Variants in EGFLAM observed in about 807,000 individuals in gnomAD.
EGFLAM encodes the protein EGF like, fibronectin type III and laminin G domains.
Under a neutral mutation model 113.1 loss-of-function variants are expected in EGFLAM, and 79 were observed. The observed-to-expected ratio is 0.70, with a 90% CI of 0.58 to 0.84. The LOEUF is 0.84. Ranked by LOEUF, EGFLAM falls within the 40% of genes least tolerant of loss-of-function variation. The pLI is 0.00. For synonymous variants in EGFLAM, 504 were observed against 487.6 expected (o/e 1.03, Z -0.44); for missense variants, 1,265 against 1,291.6 (o/e 0.98, Z 0.32).
chr5:38,374,506 C>T (rs533500473), intron 6 of EGFLAM, among the ~76,000 whole-genome samples: 22 of 151,970 alleles, frequency 1.4e-4, no homozygotes, highest in South Asian at 1.0e-3. Flanking sequence ...GCCAGATTAC[C>T]GGTCTGGGTG....
intron 5 of EGFLAM, 102 bp downstream of exon 5, chr5:38,352,433 G>C (rs534588100): frequency 6.7e-7 from 1 of 1,488,724 alleles, no homozygotes; most frequent in African/African-American, 1.4e-5. Context: ...CAGATCACAA[G>C]GTCAGGAGTT....
chr5:38,428,253 A>G (rs905012049), intron 14 of EGFLAM, among the ~76,000 whole-genome samples: 2 of 152,200 alleles, frequency 1.3e-5, no homozygotes, highest in Non-Finnish European at 2.9e-5. Flanking sequence ...TATGTAGGTG[A>G]GATGCTACAA....
intron 6 of EGFLAM, among the ~76,000 whole-genome samples, chr5:38,395,423 T>G (rs879025026): frequency 3.3e-5 from 5 of 151,870 alleles, no homozygotes; most frequent in Admixed American, 3.3e-4. Context: ...AATTAAAAAT[T>G]TTTTTTTCTG....
At chr5:38,320,351 C>G (rs1738707798) in intron 1 of EGFLAM, among the ~76,000 whole-genome samples, 1 of 152,196 alleles carries the variant, frequency 6.6e-6, no homozygotes, top group Non-Finnish European at 1.5e-5. Context: ...TGGGGTCCAG[C>G]AGGCAGTTAG....
intron 6 of EGFLAM, among the ~76,000 whole-genome samples, chr5:38,379,699 T>C (rs1223622495): frequency 6.6e-6 from 1 of 152,020 alleles, no homozygotes; most frequent in Non-Finnish European, 1.5e-5. Flanking sequence ...ACTCCTTCAG[T>C]TGGCTGCTTA....
Position 38,429,065 on chromosome 5 carries a change from A to C in EGFLAM, c.2054+1813A>C, listed in dbSNP as rs79919195. On this transcript the variant is annotated intron_variant, in intron 14 of 21. Transcript: ENST00000322350. ...TGCTCAATTAAGACAATGCAGTGAA[A>C]ACTCAAACTACAGGAAGTTGTGGAA... Among the ~76,000 whole-genome samples the C allele has an allele frequency of 9.4e-3, 1,428 of 152,322 alleles. 21 individuals carry two copies. Among genetic ancestry groups the C allele is most frequent in the African/African-American group, 0.032 (1,324 of 41,562 alleles).
intron 17 of EGFLAM, chr5:38,445,503 G>T (rs1742676882): frequency 6.7e-7 from 1 of 1,496,582 alleles, no homozygotes; most frequent in Non-Finnish European, 8.9e-7. Flanking sequence ...GATTTCCAGT[G>T]GTTCCCCGCG....
rs143692503 is a variant in EGFLAM, at chr5:38,411,992, G to T, written c.1350-512G>T. 1.4e-3 allele frequency among the ~76,000 whole-genome samples: 212 copies of T among 152,040 alleles called. 1 individual carries two copies. In the East Asian group the frequency reaches 0.036, roughly 26 times the overall value. Reference sequence around the variant, plus strand: ...TCTTTGTGTTTTTAGTAGAAACGGGGTTTCACCATGTTGGTCAGGCTGGTC... The same window carrying T: ...TCTTTGTGTTTTTAGTAGAAACGGGTTTTCACCATGTTGGTCAGGCTGGTC... On this transcript the variant is annotated intron_variant, in intron 10 of 21. Coordinates refer to ENST00000322350, the MANE Select transcript of EGFLAM (RefSeq NM_152403.4).
chr5:38,276,711 A>G (rs181433573), intron 1 of EGFLAM, among the ~76,000 whole-genome samples: 1 of 152,256 alleles, frequency 6.6e-6, no homozygotes, highest in African/African-American at 2.4e-5. Context: ...GAGTAAATAA[A>G]TAAAAATCAG....
chr5:38,294,622 C>G (rs571758401), intron 1 of EGFLAM, among the ~76,000 whole-genome samples: 1 of 152,050 alleles, frequency 6.6e-6, no homozygotes, highest in South Asian at 2.1e-4. Flanking sequence ...ATGATGGTCA[C>G]AGGGTGATGC....
chr5:38,457,499 T>C (rs1743128412), intron 19 of EGFLAM, among the ~76,000 whole-genome samples: 1 of 152,212 alleles, frequency 6.6e-6, no homozygotes, highest in African/African-American at 2.4e-5. Flanking sequence ...CAGTTTCCCA[T>C]GGCTTTCCCT....
At chr5:38,425,593 G>A (rs918338759) in intron 13 of EGFLAM, among the ~76,000 whole-genome samples, 1 of 152,180 alleles carries the variant, frequency 6.6e-6, no homozygotes, top group Non-Finnish European at 1.5e-5. Context: ...GCCAAAATTT[G>A]TTTGGTAATG....
intron 16 of EGFLAM, among the ~76,000 whole-genome samples, chr5:38,437,755 G>A (rs531031176): frequency 1.3e-5 from 2 of 152,208 alleles, no homozygotes; most frequent in South Asian, 4.2e-4. Flanking sequence ...CCAGAGGAGC[G>A]CGTCACTCCG....
intron 9 of EGFLAM, 95 bp downstream of exon 9, chr5:38,408,000 A>C (rs1382370803): frequency 7.5e-6 from 7 of 932,810 alleles, no homozygotes; most frequent in Non-Finnish European, 1.2e-5. Context: ...GCGGGGCAGC[A>C]GGGAGAGCGA....
At position 38,445,309 on chromosome 5, in the gene EGFLAM, CTT is replaced by C. The variant is rs536670328; in HGVS notation, c.2465-2991_2465-2990del. Among the ~76,000 whole-genome samples the C allele has an allele frequency of 1.1e-4, 16 of 152,276 alleles. 1 individual carries two copies. The East Asian group carries it at 2.3e-3, about 22-fold the overall frequency. The stretch of plus-strand genomic sequence containing the variant: ...ATAATCATTGACAAGGTAAGTAACT[CTT>C]GAGCAAGGAGCTGTTTCTCTAGATT... On this transcript the variant is annotated intron_variant, in intron 17 of 21. Coordinates refer to ENST00000322350, the MANE Select transcript of EGFLAM (RefSeq NM_152403.4).
Position 38,406,877 on chromosome 5 carries a change from A to G in EGFLAM, c.878A>G (p.Glu293Gly), listed in dbSNP as rs965888351. ...TKGGNKKFLV[E>G]SKKMSISNPK... ...GGAGGGAATAAGAAATTTTTGGTGGAAAGCAAGAAGATGTCTATATCTAAC... is the reference window on the plus strand; with the variant it reads ...GGAGGGAATAAGAAATTTTTGGTGGGAAGCAAGAAGATGTCTATATCTAAC... The change falls in exon 8 of 22, where the codon GAA (glutamate) becomes GGA (glycine). Residue 293 changes from glutamate to glycine, a missense_variant. By Grantham distance (98) the Glu-to-Gly change is moderately conservative (BLOSUM62 -2). Transcript: ENST00000322350. The G allele has an allele frequency of 2.5e-6, 4 of 1,614,030 alleles. No individual in the cohort carries two copies. The African/African-American group carries it at 5.3e-5, about 22-fold the overall frequency.
At chr5:38,325,308 T>G (rs1738849978) in intron 1 of EGFLAM, among the ~76,000 whole-genome samples, 1 of 152,174 alleles carries the variant, frequency 6.6e-6, no homozygotes, top group East Asian at 1.9e-4. Flanking sequence ...AATATCTTCC[T>G]CCACTACCTC....
intron 1 of EGFLAM, among the ~76,000 whole-genome samples, chr5:38,299,910 C>T (rs1758536051): frequency 6.6e-6 from 1 of 152,054 alleles, no homozygotes; most frequent in Admixed American, 6.6e-5. Flanking sequence ...TTTGGGATGC[C>T]TTAATGAACA....
At chr5:38,404,604 T>G (rs1386296393) in intron 6 of EGFLAM, among the ~76,000 whole-genome samples, 1 of 152,222 alleles carries the variant, frequency 6.6e-6, no homozygotes, top group Non-Finnish European at 1.5e-5. Flanking sequence ...CAAAATGTCT[T>G]TAAGTTTAGT....
Sources: gnomAD v4.1 joint callset for allele counts (sites outside exome capture counted in the v4.1 genomes callset) on GRCh38, gnomAD v4.1.1 for gene constraint, MANE v1.5 for transcripts, NCBI Gene and HGNC (gene_info 2026-07-23, HGNC 2026-07-21) for gene names.